UNC13C: variants seen among roughly 807,000 people sequenced by gnomAD.
The protein encoded by UNC13C is unc-13 homolog C.
Under a neutral mutation model 245.4 loss-of-function variants are expected in UNC13C, and 174 were observed. That is an observed-to-expected ratio of 0.71 (90% CI 0.63 to 0.80). UNC13C has a LOEUF of 0.80. Among genes scored for constraint, UNC13C ranks in the 30% least tolerant of loss-of-function variants. The probability of loss-of-function intolerance (pLI) is 0.00; values close to 1 mark genes in which losing one functional copy is unlikely to be tolerated. For synonymous variants in UNC13C, 992 were observed against 895.1 expected (o/e 1.11, Z -1.93); for missense variants, 2,829 against 2,602.9 (o/e 1.09, Z -1.89).
At chr15:54,546,927 C>G (rs1438751951) in intron 27 of UNC13C, 82 bp downstream of exon 27, 3 of 1,227,270 alleles carry the variant, frequency 2.4e-6, no homozygotes, top group Non-Finnish European at 2.2e-6. Flanking sequence ...AGATGAAATA[C>G]TAATTAAATC....
At chr15:53,880,399 T>C in the UNC13C span, among the ~76,000 whole-genome samples, 1 of 152,352 alleles carries the variant, frequency 6.6e-6, no homozygotes, top group South Asian at 2.1e-4. Context: ...GCGGCTGCTT[T>C]GCAATTGTTT....
At chr15:54,534,422 A>C (rs773051725) in intron 26 of UNC13C, among the ~76,000 whole-genome samples, 3 of 151,770 alleles carry the variant, frequency 2.0e-5, no homozygotes, top group Non-Finnish European at 4.4e-5. Context: ...ATATAAAAGC[A>C]AAAAAACACT....
chr15:54,297,088 C>T (rs1596166912), intron 11 of UNC13C, among the ~76,000 whole-genome samples: 1 of 152,146 alleles, frequency 6.6e-6, no homozygotes, highest in Non-Finnish European at 1.5e-5. Flanking sequence ...TTTGGCTCAT[C>T]TTTTCAAGTA....
At chr15:54,039,678 A>G (rs1414441991) in intron 2 of UNC13C, among the ~76,000 whole-genome samples, 3 of 151,930 alleles carry the variant, frequency 2.0e-5, no homozygotes, top group Non-Finnish European at 4.4e-5. Context: ...TTTGAATGCC[A>G]CTTGCGTGCT....
chr15:54,462,764 G>A (rs964001959), intron 19 of UNC13C, among the ~76,000 whole-genome samples: 6 of 152,226 alleles, frequency 3.9e-5, no homozygotes, highest in Non-Finnish European at 8.8e-5. Flanking sequence ...AGCCCGAGGA[G>A]CCTCCCTGAC....
At chr15:54,550,232 G>T (rs1896679003) in intron 28 of UNC13C, among the ~76,000 whole-genome samples, 2 of 152,138 alleles carry the variant, frequency 1.3e-5, no homozygotes, top group South Asian at 4.1e-4. Context: ...GTTAAGGGAT[G>T]AGTTCCAGAC....
At chr15:54,143,844 A>T (rs1228400046) in intron 4 of UNC13C, among the ~76,000 whole-genome samples, 160 bp downstream of exon 4, 1 of 152,176 alleles carries the variant, frequency 6.6e-6, no homozygotes, top group African/African-American at 2.4e-5. Context: ...TCTTAAAAAA[A>T]TGTAATACAT....
At chr15:54,357,043 G>GT (rs1237797085) in intron 17 of UNC13C, among the ~76,000 whole-genome samples, 6 of 151,660 alleles carry the variant, frequency 4.0e-5, no homozygotes, top group Admixed American at 1.3e-4. Context: ...AATTTCTTTA[G>GT]TTTTTTTTGA....
At chr15:53,973,596 A>AC (rs1893606446), upstream of UNC13C, among the ~76,000 whole-genome samples, 2 of 151,066 alleles carry the variant, frequency 1.3e-5, no homozygotes, top group South Asian at 4.2e-4. Context: ...AAAAAAAAAA[A>AC]TCCAAAAAGT....
At chr15:54,522,192 C>T (rs1368742063) in intron 24 of UNC13C, among the ~76,000 whole-genome samples, 1 of 151,918 alleles carries the variant, frequency 6.6e-6, no homozygotes, top group Non-Finnish European at 1.5e-5. Context: ...TCTTTCTGGC[C>T]AGGCGCGGTG....
At chr15:54,447,963 G>A (rs1276725715) in intron 19 of UNC13C, among the ~76,000 whole-genome samples, 2 of 152,106 alleles carry the variant, frequency 1.3e-5, no homozygotes, top group Non-Finnish European at 2.9e-5. Context: ...CAGAGATTCT[G>A]GTATGTTGTG....
chr15:54,439,104 T>C (rs1251843580), intron 19 of UNC13C, among the ~76,000 whole-genome samples: 1 of 151,912 alleles, frequency 6.6e-6, no homozygotes, highest in Non-Finnish European at 1.5e-5. Context: ...GCTGCTCAAA[T>C]TACCTATGTT....
intron 18 of UNC13C, 21 bp from the exon 19 acceptor site, chr15:54,414,961 A>G: frequency 1.2e-6 from 2 of 1,601,394 alleles, no homozygotes; most frequent in Non-Finnish European, 1.7e-6. Flanking sequence ...TCATACACTA[A>G]TACAATGTGT....
intron 2 of UNC13C, among the ~76,000 whole-genome samples, chr15:54,109,892 G>A (rs1053033019): frequency 7.9e-5 from 12 of 152,136 alleles, no homozygotes; most frequent in African/African-American, 2.9e-4. Context: ...ACTCTGCTTG[G>A]TGGCTATCCC....
In UNC13C at chr15:54,014,412, T is replaced by G; in HGVS notation, c.1509T>G (p.Asn503Lys). 1.9e-6 allele frequency: 3 copies of G among 1,613,762 alleles called. No individual in the cohort carries two copies. Among genetic ancestry groups the G allele is most frequent in the Non-Finnish European group, 2.5e-6 (3 of 1,179,822 alleles). Residue 503 changes from asparagine to lysine, a missense_variant, in exon 2 of 33, where the codon AAT (asparagine) becomes AAG (lysine). Coordinates refer to ENST00000260323, the MANE Select transcript of UNC13C (RefSeq NM_001080534.3). ...CTGCTAATAGCAGCAGAATTTCAAATAAATCAGATTATGATAAAATCTCCT... is the reference window on the plus strand; with the variant it reads ...CTGCTAATAGCAGCAGAATTTCAAAGAAATCAGATTATGATAAAATCTCCT... ...NKTANSSRIS[N>K]KSDYDKISSQ...
the UNC13C span, among the ~76,000 whole-genome samples, chr15:53,939,747 G>T: frequency 0.33 from 50,192 of 151,836 alleles, 8,324 homozygotes; most frequent in African/African-American, 0.34. Context: ...CACACAATTA[G>T]CTCAATAGAT....
At chr15:54,044,288 A>G (rs1896937415) in intron 2 of UNC13C, 1 of 162,156 alleles carries the variant, frequency 6.2e-6, no homozygotes, top group African/African-American at 2.4e-5. Flanking sequence ...AGTATTTCAT[A>G]TTATGGATAT....
intron 19 of UNC13C, among the ~76,000 whole-genome samples, chr15:54,429,347 T>C (rs2040820973): frequency 6.6e-6 from 1 of 151,812 alleles, no homozygotes; most frequent in Non-Finnish European, 1.5e-5. Flanking sequence ...TAAAGCATTA[T>C]TCTTTTATGA....
chr15:54,098,330 A>C (rs1315945982), intron 2 of UNC13C, among the ~76,000 whole-genome samples: 1 of 152,126 alleles, frequency 6.6e-6, no homozygotes, highest in Non-Finnish European at 1.5e-5. Flanking sequence ...AAGTGCCACC[A>C]CGCCTGGCTA....
Sources: gnomAD v4.1 joint callset for allele counts (sites outside exome capture counted in the v4.1 genomes callset) on GRCh38, gnomAD v4.1.1 for gene constraint, MANE v1.5 for transcripts, NCBI Gene and HGNC (gene_info 2026-07-23, HGNC 2026-07-21) for gene names.